Variants in EYA1 observed in about 807,000 individuals in gnomAD.
The protein encoded by EYA1 is protein phosphatase EYA1.
EYA1 carries 16 observed loss-of-function variants against 82.0 expected under a neutral mutation model. The ratio of observed to expected loss-of-function variants is 0.20; its 90% CI spans 0.13 to 0.30. The LOEUF is 0.30. EYA1 is among the 10% of genes least tolerant of loss of function. The pLI is 1.00. For missense variants in EYA1, 633 were observed against 730.7 expected, an observed-to-expected ratio of 0.87 and a Z score of 1.54; for synonymous variants, 261 against 264.4, an observed-to-expected ratio of 0.99 and a Z score of 0.12.
At chr8:71,398,331 T>C (rs951604929) in intron 2 of EYA1, among the ~76,000 whole-genome samples, 5 of 152,224 alleles carry the variant, frequency 3.3e-5, no homozygotes, top group Non-Finnish European at 5.9e-5. Context: ...CTTTGTTCCA[T>C]TGCTGGCCAG....
intron 2 of EYA1, among the ~76,000 whole-genome samples, chr8:71,447,769 A>G (rs962701730): frequency 6.6e-6 from 1 of 152,164 alleles, no homozygotes; most frequent in African/African-American, 2.4e-5. Context: ...TACACACCTC[A>G]ATTAAAAATA....
chr8:71,223,879 T>C (rs1325775570), intron 12 of EYA1, among the ~76,000 whole-genome samples: 1 of 152,236 alleles, frequency 6.6e-6, no homozygotes, highest in Non-Finnish European at 1.5e-5. Context: ...TCTGCTTTGA[T>C]ACTGTAGTAG....
intron 10 of EYA1, among the ~76,000 whole-genome samples, chr8:71,271,373 G>A (rs1816510003): frequency 6.6e-6 from 1 of 152,032 alleles, no homozygotes; most frequent in African/African-American, 2.4e-5. Context: ...TCAAATAGTA[G>A]GTCTCACTCA....
At chr8:71,405,343 C>A (rs1011612826) in intron 2 of EYA1, among the ~76,000 whole-genome samples, 1 of 152,310 alleles carries the variant, frequency 6.6e-6, no homozygotes, top group Non-Finnish European at 1.5e-5. Context: ...TCCTGTCCAA[C>A]CTTTTTTCGG....
chr8:71,215,475 A>G lies in EYA1; in HGVS notation c.1509T>C (p.Thr503=), dbSNP rs371495884. ...TNCVNILVTT[T]QLIPALAKVL... ...CTTTCGCCAATGCTGGGATGAGCTG[A>G]GTAGTTGTTACTAAAATATTCACAC... Residue 503 remains threonine, a synonymous_variant, in exon 16 of 18, where the codon ACT becomes ACC. Transcript: ENST00000340726. 6.2e-7 allele frequency: 1 copy of G among 1,613,576 alleles called. No individual in the cohort carries two copies. The highest frequency in any genetic ancestry group is 1.3e-5 in the African/African-American group (1 of 74,934).
intron 9 of EYA1, among the ~76,000 whole-genome samples, chr8:71,282,900 G>A (rs568878587): frequency 4.0e-5 from 6 of 149,470 alleles, no homozygotes; most frequent in Admixed American, 2.0e-4. Flanking sequence ...AACTTCACAT[G>A]TGCTAAGCAG....
chr8:71,284,725 C>T lies in EYA1; in HGVS notation c.827-12828G>A, dbSNP rs147524049. ...TTAAAAAATTTAAATATAACTTAAC[C>T]GAATTCTGATGGAAAGGATATCCTG... On this transcript the variant is annotated intron_variant, in intron 9 of 17. Transcript: ENST00000340726. Among the ~76,000 whole-genome samples, 196 of 152,166 alleles carry T rather than the reference C, an allele frequency of 1.3e-3. 1 individual carries two copies. Among genetic ancestry groups the T allele is most frequent in the African/African-American group, 4.5e-3 (186 of 41,504 alleles).
Position 71,463,617 on chromosome 8 carries a change from CTCTCTCTCTCTCTCT to C in EYA1, c.33+72112_33+72126del, listed in dbSNP as rs1563640105. On this transcript the variant is annotated intron_variant, in intron 2 of 18. Coordinates refer to the EYA1 transcript ENST00000643681. ...TCTCTCTCTCTCTCTCTCTCTCTCT[CTCTCTCTCTCTCTCT>C]CCCTCCCTCCCCCCTCCCACACACA... Among the ~76,000 whole-genome samples the C allele has an allele frequency of 7.7e-3, 1,017 of 132,248 alleles. 55 individuals are homozygous for C. The highest frequency in any genetic ancestry group is 0.023 in the African/African-American group (690 of 29,872). The allele number at this position is 132,248 out of a possible 152,430, so 86.8% of individuals were successfully genotyped here.
intron 2 of EYA1, among the ~76,000 whole-genome samples, chr8:71,396,011 T>G (rs544598193): frequency 4.4e-4 from 67 of 152,286 alleles, no homozygotes; most frequent in Middle Eastern, 3.4e-3. Context: ...CTTCCTGGTT[T>G]AGTCTTGGGA....
At chr8:71,326,176 T>C (rs922016407) in intron 4 of EYA1, among the ~76,000 whole-genome samples, 1 of 152,092 alleles carries the variant, frequency 6.6e-6, no homozygotes, top group Non-Finnish European at 1.5e-5. Context: ...GAATCAAAAA[T>C]GAATAATAAT....
At chr8:71,396,925 A>T (rs200370106) in intron 2 of EYA1, among the ~76,000 whole-genome samples, 2 of 151,980 alleles carry the variant, frequency 1.3e-5, no homozygotes, top group East Asian at 3.9e-4. Flanking sequence ...GGGAGTCTAA[A>T]TCTCTTTATA....
intron 2 of EYA1, among the ~76,000 whole-genome samples, chr8:71,385,335 A>G (rs1182865455): frequency 2.0e-5 from 3 of 152,108 alleles, no homozygotes; most frequent in Non-Finnish European, 4.4e-5. Flanking sequence ...AGTTCTCCAT[A>G]TGACAGAACA....
intron 2 of EYA1, among the ~76,000 whole-genome samples, chr8:71,438,032 C>T (rs561188608): frequency 1.7e-3 from 253 of 152,220 alleles, no homozygotes; most frequent in Admixed American, 3.2e-3. Context: ...ATGGGTCATG[C>T]ATGAAGAGTT....
intron 2 of EYA1, among the ~76,000 whole-genome samples, chr8:71,514,681 C>A (rs1232022730): frequency 1.3e-5 from 2 of 152,094 alleles, no homozygotes; most frequent in Non-Finnish European, 2.9e-5. Flanking sequence ...ACAAGAATAG[C>A]ACAGGAAAGA....
At chr8:71,503,709 A>T (rs754632260) in intron 2 of EYA1, among the ~76,000 whole-genome samples, 7 of 152,236 alleles carry the variant, frequency 4.6e-5, no homozygotes, top group Non-Finnish European at 4.4e-5. Context: ...TTGAGCAGGT[A>T]CTACATTCTC....
At chr8:71,384,431 C>A (rs1828869174) in intron 2 of EYA1, among the ~76,000 whole-genome samples, 1 of 152,204 alleles carries the variant, frequency 6.6e-6, no homozygotes, top group South Asian at 2.1e-4. Context: ...GTTGCCTTCT[C>A]TGACCAGTGC....
rs112291246 is a variant in EYA1 at position 71,440,582 on chromosome 8, T to C, written c.34-84071A>G. 3.4e-3 allele frequency among the ~76,000 whole-genome samples: 515 copies of C among 152,252 alleles called. 3 individuals carry two copies. Among genetic ancestry groups the C allele is most frequent in the African/African-American group, 0.012 (490 of 41,546 alleles). ...ACCAAACATGCAAAACATTCAGGGA[T>C]AGAAGTGCTGAGTTCAGGTTCAGAA... On this transcript the variant is annotated intron_variant, in intron 2 of 18. Coordinates refer to the EYA1 transcript ENST00000643681.
In EYA1 at chr8:71,295,765, C is replaced by A. The variant is rs182215176; in HGVS notation, c.826+3282G>T. 2.2e-4 allele frequency among the ~76,000 whole-genome samples: 34 copies of A among 152,256 alleles called. 1 individual carries two copies. In the East Asian group the frequency reaches 5.0e-3, roughly 22 times the overall value. On this transcript the variant is annotated intron_variant, in intron 9 of 17. Coordinates refer to ENST00000340726, the MANE Select transcript of EYA1 (RefSeq NM_000503.6). ...TTATATCTATTAAAAAAACTGCACACAAATGTTTATAGAAACTTCATTCAT... is the reference window on the plus strand; with the variant it reads ...TTATATCTATTAAAAAAACTGCACAAAAATGTTTATAGAAACTTCATTCAT...
intron 2 of EYA1, among the ~76,000 whole-genome samples, chr8:71,408,792 T>C (rs375053369): frequency 7.2e-6 from 1 of 139,688 alleles, no homozygotes; most frequent in African/African-American, 2.8e-5. Context: ...TAACACCCCA[T>C]TGTCAACATT....
Sources: gnomAD v4.1 joint callset for allele counts (sites outside exome capture counted in the v4.1 genomes callset) on GRCh38, gnomAD v4.1.1 for gene constraint, MANE v1.5 for transcripts, NCBI Gene and HGNC (gene_info 2026-07-23, HGNC 2026-07-21) for gene names.